C19orf44: variants seen among roughly 807,000 people sequenced by gnomAD.
The protein encoded by C19orf44 is uncharacterized protein C19orf44.
Under a neutral mutation model 50.7 loss-of-function variants are expected in C19orf44, and 43 were observed. The observed-to-expected ratio is 0.85, with a 90% CI of 0.66 to 1.09. The LOEUF (loss-of-function observed/expected upper bound fraction) is 1.09, where lower values mean the gene tolerates loss of function less well. C19orf44 is among the 50% of genes least tolerant of loss of function. The probability of loss-of-function intolerance (pLI) is 0.00; values close to 1 mark genes in which losing one functional copy is unlikely to be tolerated. For synonymous variants in C19orf44, 298 were observed against 334.7 expected (o/e 0.89, Z 1.20); for missense variants, 722 against 836.2 (o/e 0.86, Z 1.68).
At chr19:16,512,909 A>AG (rs2093461559) in intron 5 of C19orf44, 105 bp from the exon 6 acceptor site, 2 of 829,880 alleles carry the variant, frequency 2.4e-6, no homozygotes, top group South Asian at 3.4e-5. Flanking sequence ...CTTCAGAAAG[A>AG]GGGAAGAACA....
chr19:16,514,788 G>C lies in C19orf44; in HGVS notation c.1902+125G>C, dbSNP rs369871900. The C allele has an allele frequency of 1.2e-4, 139 of 1,151,724 alleles. No homozygotes were observed. In the East Asian group the frequency reaches 3.9e-3, roughly 32 times the overall value. The allele number at this position is 1,151,724 out of a possible 1,614,324, so 71.3% of individuals were successfully genotyped here. A position where few individuals can be genotyped will look rare whatever the true frequency, so the allele number is the denominator to read the frequency against. ...CTCAGCCCAGGGCTGCAGGGATGCA[G>C]TGGGGCCATCACCTGTCCCTGTGGA... is the stretch of plus-strand genomic sequence containing the variant. On this transcript the variant is annotated intron_variant, in intron 7 of 8. Transcript: ENST00000221671.
chr19:16,514,090 C>T (rs915031675), intron 6 of C19orf44, among the ~76,000 whole-genome samples: 1 of 151,628 alleles, frequency 6.6e-6, no homozygotes, highest in Non-Finnish European at 1.5e-5. Flanking sequence ...CAGGTTCAAG[C>T]GATTCTCCTG....
chr19:16,513,913 C>A (rs2093464559), intron 6 of C19orf44, among the ~76,000 whole-genome samples: 1 of 152,120 alleles, frequency 6.6e-6, no homozygotes, highest in African/African-American at 2.4e-5. Flanking sequence ...TTTGTCGAGT[C>A]CAGTGGAGCC....
In C19orf44 at chr19:16,514,586, C is replaced by T. The variant is rs778675848; in HGVS notation, c.1825C>T (p.Arg609Trp). ...SLTQQFIQAS[R>W]HLHASLLRSL... is the part of the protein sequence containing the mutation. ...GACGCAGCAGTTCATCCAGGCCAGC[C>T]GGCACCTGCACGCCTCCCTCCTGCG... The change falls in exon 7 of 9, where the codon CGG becomes TGG. Residue 609 changes from arginine (R) to tryptophan (W), a missense_variant. By Grantham distance (101) the Arg-to-Trp change is moderately radical. Transcript: ENST00000221671. The T allele has an allele frequency of 7.2e-5, 116 of 1,608,090 alleles. No individual in the cohort carries two copies. The highest frequency in any genetic ancestry group is 2.3e-4 in the African/African-American group (17 of 74,854).
At chr19:16,516,507 TTG>T (rs2093472579) in intron 7 of C19orf44, among the ~76,000 whole-genome samples, 1 of 152,100 alleles carries the variant, frequency 6.6e-6, no homozygotes, top group Non-Finnish European at 1.5e-5. Flanking sequence ...TGATTTAAAG[TTG>T]TGTGTTTTGT....
intron 8 of C19orf44, among the ~76,000 whole-genome samples, 162 bp downstream of exon 8, chr19:16,517,503 G>A (rs1007507339): frequency 4.6e-5 from 7 of 152,222 alleles, no homozygotes; most frequent in African/African-American, 1.2e-4. Flanking sequence ...GGGGCAGGTG[G>A]TGCTGCGGTG....
At position 16,514,439 on chromosome 19, in the gene C19orf44, G is replaced by A. The variant is rs532968820; in HGVS notation, c.1736-58G>A. On this transcript the variant is annotated intron_variant, in intron 6 of 8. Transcript: ENST00000221671. ...GCCTGGCACCTGAGCGGTGGGGGGGGGGCTGCAGAATTTGTGGGGCCCCAG... is the reference window on the plus strand; with the variant it reads ...GCCTGGCACCTGAGCGGTGGGGGGGAGGCTGCAGAATTTGTGGGGCCCCAG... 3.0e-5 allele frequency: 45 copies of A among 1,495,392 alleles called. No individual in the cohort carries two copies. The African/African-American group carries it at 4.2e-4, about 14-fold the overall frequency. The allele number at this position is 1,495,392 out of a possible 1,614,324, so 92.6% of individuals were successfully genotyped here.
chr19:16,510,702 A>G (rs146303711), intron 5 of C19orf44, among the ~76,000 whole-genome samples: 1 of 152,108 alleles, frequency 6.6e-6, no homozygotes, highest in East Asian at 1.9e-4. Context: ...GAGAATGAAC[A>G]CCCTGGGTGA....
At chr19:16,496,922 G>C (rs898577498) in intron 1 of C19orf44, among the ~76,000 whole-genome samples, 2 of 152,028 alleles carry the variant, frequency 1.3e-5, no homozygotes, top group Non-Finnish European at 2.9e-5. Flanking sequence ...GAGGCCAGGA[G>C]ATCCAGACCA....
chr19:16,510,100 T>C (rs1240886026), intron 5 of C19orf44, 112 bp downstream of exon 5: 1 of 1,532,390 alleles, frequency 6.5e-7, no homozygotes, highest in Non-Finnish European at 9.0e-7. Flanking sequence ...ATTTGGGCTC[T>C]TGTTATTAAT....
chr19:16,521,097 T>TG lies in C19orf44; in HGVS notation c.*1046dup. 1 of 627,652 alleles carries TG rather than the reference T, an allele frequency of 1.6e-6. No homozygotes were observed. Among genetic ancestry groups the TG allele is most frequent in the Non-Finnish European group, 2.9e-6 (1 of 347,886 alleles). The allele number at this position is 627,652 out of a possible 1,614,324, so 38.9% of individuals were successfully genotyped here. ...ACAGGGCTGTCCTCCTGCAGCCCAG[T>TG]GGCTCCTCTGGTGCCCACGCCCTTG... On this transcript the variant is annotated 3_prime_UTR_variant, in exon 9 of 9. Coordinates refer to ENST00000221671, the MANE Select transcript of C19orf44 (RefSeq NM_032207.4).
chr19:16,503,208 T>C lies in C19orf44; in HGVS notation c.903T>C (p.Ser301=). ...STRSRADYPQ[S]HVSSDTASHT... is the part of the protein sequence containing the mutation. ...GCTCAAGAGCAGACTACCCACAGAG[T>C]CACGTTTCCAGTGACACCGCCTCCC... Residue 301 remains serine (S), a synonymous_variant, in exon 3 of 9, where the codon AGT becomes AGC. Coordinates refer to ENST00000221671, the MANE Select transcript of C19orf44 (RefSeq NM_032207.4). 6.2e-7 allele frequency: 1 copy of C among 1,613,778 alleles called. No individual in the cohort carries two copies. Among genetic ancestry groups the C allele is most frequent in the Non-Finnish European group, 8.5e-7 (1 of 1,179,962 alleles).
At position 16,519,432 on chromosome 19, in the gene C19orf44, G is replaced by A; in HGVS notation, c.*41-662G>A. ...ACGTGGGGGGCTGAATGTCCAGACA[G>A]GCAGTGTAGACATGGGAAATGGGTA... On this transcript the variant is annotated intron_variant, in intron 8 of 8. Transcript: ENST00000221671. This position sits in a 1 kb window ranked among gnomAD's most constrained non-coding sequence, Gnocchi z 6.0. 6.9e-7 allele frequency: 1 copy of A among 1,456,488 alleles called. No individual in the cohort carries two copies. Among genetic ancestry groups the A allele is most frequent in the South Asian group, 1.2e-5 (1 of 81,722 alleles). 90.2% of individuals were successfully genotyped at this position (1,456,488 alleles called of 1,614,324 possible).
Position 16,514,603 on chromosome 19 carries a change from C to T in C19orf44, c.1842C>T (p.Ser614=), listed in dbSNP as rs1172290425. The T allele has an allele frequency of 6.2e-6, 10 of 1,603,590 alleles. No homozygotes were observed. In the Middle Eastern group the frequency reaches 6.6e-4, roughly 106 times the overall value. The change falls in exon 7 of 9, where the codon TCC becomes TCT. Residue 614 remains serine, a synonymous_variant. Coordinates refer to ENST00000221671, the MANE Select transcript of C19orf44 (RefSeq NM_032207.4). Reference sequence around the variant, plus strand: ...AGGCCAGCCGGCACCTGCACGCCTCCCTCCTGCGCTCCCTGGACGCGGACT... The same window carrying T: ...AGGCCAGCCGGCACCTGCACGCCTCTCTCCTGCGCTCCCTGGACGCGGACT... ...FIQASRHLHA[S]LLRSLDADSF...
chr19:16,520,654 A>C lies in C19orf44; in HGVS notation c.*601A>C. 8.5e-7 allele frequency: 1 copy of C among 1,172,654 alleles called. No homozygotes were observed. Among genetic ancestry groups the C allele is most frequent in the South Asian group, 1.4e-5 (1 of 72,928 alleles). 72.6% of individuals were successfully genotyped at this position (1,172,654 alleles called of 1,614,324 possible). A position where few individuals can be genotyped will look rare whatever the true frequency, so the allele number is the denominator to read the frequency against. On this transcript the variant is annotated 3_prime_UTR_variant, in exon 9 of 9. Transcript: ENST00000221671. The surrounding 1 kb of genome is among the most constrained non-coding windows in gnomAD (Gnocchi z 4.0). ...GCCACAGCAACGGTACCAAGTTCCT[A>C]AATAGTGTGGCCGAGCCTGCTGCTG...
intron 3 of C19orf44, 27 bp downstream of exon 3, chr19:16,503,407 G>C: frequency 6.3e-7 from 1 of 1,588,346 alleles, no homozygotes. Flanking sequence ...TGCAAAGCCA[G>C]TACCTTGGGC....
At position 16,496,420 on chromosome 19, in the gene C19orf44, G is replaced by T. The variant is rs754712738; in HGVS notation, c.-47G>T. Reference sequence around the variant, plus strand: ...TTGCCCAGGGCAACCGCTCCTTCAGGCGTGAATGTGGCGGCTGCCTCTGCG... The same window carrying T: ...TTGCCCAGGGCAACCGCTCCTTCAGTCGTGAATGTGGCGGCTGCCTCTGCG... On this transcript the variant is annotated 5_prime_UTR_variant, in exon 1 of 9. Coordinates refer to ENST00000221671, the MANE Select transcript of C19orf44 (RefSeq NM_032207.4). 1.5e-5 allele frequency: 7 copies of T among 470,600 alleles called. No homozygotes were observed. The highest frequency in any genetic ancestry group is 9.8e-5 in the African/African-American group (5 of 51,094). 29.2% of individuals were successfully genotyped at this position (470,600 alleles called of 1,614,324 possible).
intron 5 of C19orf44, among the ~76,000 whole-genome samples, chr19:16,512,521 A>T (rs539826015): frequency 6.6e-6 from 1 of 152,038 alleles, no homozygotes. Flanking sequence ...GAGCCAAGAA[A>T]ACCTAGCAGA....
At chr19:16,510,466 C>T (rs369484429) in intron 5 of C19orf44, among the ~76,000 whole-genome samples, 1 of 152,100 alleles carries the variant, frequency 6.6e-6, no homozygotes, top group Non-Finnish European at 1.5e-5. Context: ...GAGGGACAGC[C>T]GCCCTCGTGT....
Sources: gnomAD v4.1 joint callset for allele counts (sites outside exome capture counted in the v4.1 genomes callset) on GRCh38, gnomAD v4.1.1 for gene constraint, Gnocchi (gnomAD v3.1) non-coding constraint, MANE v1.5 for transcripts, NCBI Gene and HGNC (gene_info 2026-07-23, HGNC 2026-07-21) for gene names.